NEK10: variants seen among roughly 807,000 people sequenced by gnomAD.
The protein encoded by NEK10 is NIMA related kinase 10.
NEK10 carries 122 observed loss-of-function variants against 159.8 expected under a neutral mutation model. The observed-to-expected ratio is 0.76, with a 90% CI of 0.66 to 0.89. The LOEUF is 0.89. Among genes scored for constraint, NEK10 ranks in the 40% least tolerant of loss-of-function variants. The pLI is 0.00. For missense variants in NEK10, 1,342 were observed against 1,323.1 expected (o/e 1.01, Z -0.22); for synonymous variants, 466 against 457.1 (o/e 1.02, Z -0.25).
At chr3:27,279,913 T>C (rs183301289) in intron 22 of NEK10, among the ~76,000 whole-genome samples, 1 of 152,160 alleles carries the variant, frequency 6.6e-6, no homozygotes, top group East Asian at 1.9e-4. Flanking sequence ...CTCACGCCTG[T>C]AATCCCAGCA....
intron 1 of NEK10, among the ~76,000 whole-genome samples, chr3:27,354,058 A>C (rs1194200081): frequency 6.6e-6 from 1 of 152,182 alleles, no homozygotes; most frequent in Non-Finnish European, 1.5e-5. Context: ...ATTCAAAATA[A>C]ATAGAATCTA....
intron 22 of NEK10, among the ~76,000 whole-genome samples, chr3:27,264,077 C>A (rs1482907215): frequency 6.6e-6 from 1 of 152,082 alleles, no homozygotes; most frequent in Non-Finnish European, 1.5e-5. Context: ...GTGTGACTTG[C>A]CCAATGTCTC....
Position 27,301,738 on chromosome 3 carries a change from T to A in NEK10, c.1126A>T (p.Ser376Cys). The A allele has an allele frequency of 6.3e-7, 1 of 1,577,464 alleles. No individual in the cohort carries two copies. Among genetic ancestry groups the A allele is most frequent in the South Asian group, 1.2e-5 (1 of 86,168 alleles). The change falls in exon 13 of 36, where the codon AGC (serine) becomes TGC (cysteine). Residue 376 changes from serine (S) to cysteine (C), a missense_variant. Transcript: ENST00000691995. ...IQQLHLSEDL[S>C]PREIQENTFS... ...GTATTTTCTTGTATTTCCCTAGGGC[T>A]CAAGTCTTCTGATAAATGAAGCTGC...
rs376317672 is a variant in NEK10 at position 27,291,768 on chromosome 3, A to G, written c.1374-182T>C. Among the ~76,000 whole-genome samples, 1,285 of 152,024 alleles carry G rather than the reference A, an allele frequency of 8.5e-3. 20 individuals are homozygous for G. The highest frequency in any genetic ancestry group is 0.029 in the African/African-American group (1,183 of 41,418). On this transcript the variant is annotated intron_variant, in intron 16 of 35. Coordinates refer to ENST00000691995, the MANE Select transcript of NEK10 (RefSeq NM_001394966.1). ...CGCCATTCTCCTGCCTCAGCCTCCC[A>G]AGTAGCTGGGACTACAGGTGCCTGC...
rs1210463423 is a variant in NEK10, at chr3:27,265,092, A to AT, written c.2015-8722dup. Among the ~76,000 whole-genome samples, 8 of 152,286 alleles carry AT rather than the reference A, an allele frequency of 5.3e-5. No individual in the cohort carries two copies. The East Asian group carries it at 7.7e-4, about 15-fold the overall frequency. Reference sequence around the variant, plus strand: ...AATAGTTGGGTATTTTCTTAACCTGATAAAGAGCATCTACCAAAAAAAGCT... The same window carrying AT: ...AATAGTTGGGTATTTTCTTAACCTGATTAAAGAGCATCTACCAAAAAAAGCT... On this transcript the variant is annotated intron_variant, in intron 22 of 35. Coordinates refer to ENST00000691995, the MANE Select transcript of NEK10 (RefSeq NM_001394966.1).
intron 23 of NEK10, among the ~76,000 whole-genome samples, chr3:27,220,112 A>T (rs1349071939): frequency 6.6e-6 from 1 of 152,230 alleles, no homozygotes; most frequent in Non-Finnish European, 1.5e-5. Context: ...GTGTTCAGAA[A>T]TTAGAAGACT....
At chr3:27,232,232 A>T (rs1953371893) in intron 23 of NEK10, among the ~76,000 whole-genome samples, 1 of 151,994 alleles carries the variant, frequency 6.6e-6, no homozygotes, top group Non-Finnish European at 1.5e-5. Flanking sequence ...ATACATAATC[A>T]ATGTACACAA....
chr3:27,169,135 T>C (rs1458289176), intron 29 of NEK10, among the ~76,000 whole-genome samples: 1 of 152,202 alleles, frequency 6.6e-6, no homozygotes, highest in Non-Finnish European at 1.5e-5. Flanking sequence ...CCTACATTCA[T>C]CTGATTGGAA....
rs562130202 is a variant in NEK10, at chr3:27,144,069, C to T, written c.2870-2487G>A. 4.6e-5 allele frequency among the ~76,000 whole-genome samples: 7 copies of T among 152,188 alleles called. 1 individual carries two copies. The South Asian group carries it at 8.3e-4, about 18-fold the overall frequency. On this transcript the variant is annotated intron_variant, in intron 30 of 35. Transcript: ENST00000691995. ...TATGGAAAATCTATAGCAGTCTGTC[C>T]GTCCTCCCTTCCTCCTTTCCTCTCT...
intron 3 of NEK10, 63 bp downstream of exon 3, chr3:27,352,402 G>A (rs2048031147): frequency 9.9e-7 from 1 of 1,015,004 alleles, no homozygotes. Context: ...ATGTTAAATG[G>A]AGCCCTTTGG....
At chr3:27,325,917 C>G (rs686691) in intron 5 of NEK10, among the ~76,000 whole-genome samples, 8,025 of 152,226 alleles carry the variant, frequency 0.053, 354 homozygotes, top group African/African-American at 0.12. Flanking sequence ...CTCCTCTGGC[C>G]CAAGCACCCT....
intron 1 of NEK10, among the ~76,000 whole-genome samples, chr3:27,365,939 AG>A (rs1264124253): frequency 1.3e-5 from 2 of 152,104 alleles, no homozygotes; most frequent in Admixed American, 6.5e-5. Flanking sequence ...CATATACATG[AG>A]TTTGTTTAAA....
chr3:27,124,337 G>T (rs1941690721), intron 32 of NEK10, among the ~76,000 whole-genome samples: 1 of 152,184 alleles, frequency 6.6e-6, no homozygotes, highest in African/African-American at 2.4e-5. Context: ...CCAGAGCTTA[G>T]ACTAGATGGC....
chr3:27,179,991 G>C (rs1318789333), intron 26 of NEK10, among the ~76,000 whole-genome samples: 1 of 152,080 alleles, frequency 6.6e-6, no homozygotes. Context: ...TGAAGCACGA[G>C]AATTGCTTAA....
intron 23 of NEK10, among the ~76,000 whole-genome samples, chr3:27,220,573 C>T (rs556725908): frequency 9.9e-5 from 15 of 151,300 alleles, no homozygotes; most frequent in South Asian, 2.1e-4. Context: ...AGACATCTTG[C>T]GGGGGTGGGG....
chr3:27,129,719 T>C (rs971964056), intron 32 of NEK10, among the ~76,000 whole-genome samples: 2 of 152,118 alleles, frequency 1.3e-5, no homozygotes, highest in East Asian at 1.9e-4. Flanking sequence ...TGCCAGGCAC[T>C]GTGCAAGGCC....
chr3:27,279,845 T>C (rs910754890), intron 22 of NEK10, among the ~76,000 whole-genome samples: 3 of 152,042 alleles, frequency 2.0e-5, no homozygotes, highest in African/African-American at 7.2e-5. Context: ...ACTAGGAAAA[T>C]ACTGCTTCAC....
intron 23 of NEK10, among the ~76,000 whole-genome samples, chr3:27,228,406 CT>C (rs1952861772): frequency 1.3e-5 from 2 of 152,126 alleles, no homozygotes; most frequent in Non-Finnish European, 2.9e-5. Flanking sequence ...CTCTCTGGCC[CT>C]ATTTTCTCAG....
chr3:27,256,163 C>G, intron 23 of NEK10, 133 bp downstream of exon 23: 1 of 447,892 alleles, frequency 2.2e-6, no homozygotes, highest in Non-Finnish European at 3.9e-6. Context: ...TGTGTATTAC[C>G]TAGATAATTG....
Sources: gnomAD v4.1 joint callset for allele counts (sites outside exome capture counted in the v4.1 genomes callset) on GRCh38, gnomAD v4.1.1 for gene constraint, MANE v1.5 for transcripts, NCBI Gene and HGNC (gene_info 2026-07-23, HGNC 2026-07-21) for gene names.